Variants in GPATCH2 observed in about 807,000 individuals in gnomAD.
The protein encoded by GPATCH2 is G patch domain-containing protein 2.
In GPATCH2, 51 loss-of-function variants were observed where a neutral mutation model predicts 58.0. The observed-to-expected ratio is 0.88, with a 90% CI of 0.70 to 1.11. The LOEUF (loss-of-function observed/expected upper bound fraction) is 1.11, where lower values mean the gene tolerates loss of function less well. Ranked by LOEUF, GPATCH2 falls within the 50% of genes most tolerant of loss-of-function variation. The probability of loss-of-function intolerance (pLI) is 0.00; values close to 1 mark genes in which losing one functional copy is unlikely to be tolerated. For synonymous variants in GPATCH2, 222 were observed against 218.5 expected (o/e 1.02, Z -0.14); for missense variants, 625 against 652.2 (o/e 0.96, Z 0.45).
At chr1:217,485,536 C>A (rs916653105) in intron 8 of GPATCH2, among the ~76,000 whole-genome samples, 1 of 151,514 alleles carries the variant, frequency 6.6e-6, no homozygotes, top group Non-Finnish European at 1.5e-5. Context: ...ACTTTCTCCA[C>A]TGACTTTGTA....
intron 5 of GPATCH2, among the ~76,000 whole-genome samples, chr1:217,606,584 T>A (rs1363942794): frequency 6.6e-6 from 1 of 151,850 alleles, no homozygotes; most frequent in Non-Finnish European, 1.5e-5. Context: ...CTACTAAAAA[T>A]ATAAAAATTA....
At chr1:217,577,296 A>T (rs183387982) in intron 5 of GPATCH2, among the ~76,000 whole-genome samples, 1 of 152,272 alleles carries the variant, frequency 6.6e-6, no homozygotes, top group East Asian at 1.9e-4. Context: ...TAAAACCAAA[A>T]CACTTTTATT....
At chr1:217,607,536 A>G (rs762462783) in intron 5 of GPATCH2, among the ~76,000 whole-genome samples, 23 of 152,186 alleles carry the variant, frequency 1.5e-4, no homozygotes, top group Non-Finnish European at 2.6e-4. Flanking sequence ...GCTATTGGCC[A>G]TGAGTTCGAT....
chr1:217,438,562 C>T (rs1349193540), intron 9 of GPATCH2, among the ~76,000 whole-genome samples: 6 of 151,960 alleles, frequency 3.9e-5, no homozygotes, highest in Non-Finnish European at 8.8e-5. Context: ...TGAGAACTTC[C>T]TGAAGCATGC....
chr1:217,542,545 G>A (rs552636504), intron 5 of GPATCH2, among the ~76,000 whole-genome samples: 39 of 152,312 alleles, frequency 2.6e-4, no homozygotes, highest in African/African-American at 7.5e-4. Flanking sequence ...CTCTGGAAGC[G>A]GGAGAGCCTG....
intron 5 of GPATCH2, among the ~76,000 whole-genome samples, chr1:217,552,128 C>A (rs1665392660): frequency 6.6e-6 from 1 of 151,976 alleles, no homozygotes; most frequent in African/African-American, 2.4e-5. Flanking sequence ...TACCAACAAA[C>A]CAACCTGATG....
At chr1:217,516,922 T>C (rs1447471013) in intron 5 of GPATCH2, among the ~76,000 whole-genome samples, 2 of 152,212 alleles carry the variant, frequency 1.3e-5, no homozygotes, top group Non-Finnish European at 2.9e-5. Context: ...AAATACATAA[T>C]CTGAAATTTA....
chr1:217,526,087 T>C (rs561759003), intron 5 of GPATCH2, among the ~76,000 whole-genome samples: 1 of 152,318 alleles, frequency 6.6e-6, no homozygotes, highest in South Asian at 2.1e-4. Context: ...CTTAACCTGA[T>C]AGTGGTGTTG....
intron 5 of GPATCH2, among the ~76,000 whole-genome samples, chr1:217,599,306 G>T (rs1054064774): frequency 3.9e-5 from 6 of 152,150 alleles, no homozygotes; most frequent in Non-Finnish European, 7.4e-5. Flanking sequence ...TTGCAGTTAT[G>T]TGTGATATGG....
intron 5 of GPATCH2, among the ~76,000 whole-genome samples, chr1:217,529,005 C>T (rs1664060366): frequency 6.6e-6 from 1 of 152,094 alleles, no homozygotes; most frequent in Non-Finnish European, 1.5e-5. Flanking sequence ...TCCAGACCAG[C>T]TAGAGGTCAG....
At chr1:217,597,426 A>G (rs985686087) in intron 5 of GPATCH2, among the ~76,000 whole-genome samples, 1 of 152,064 alleles carries the variant, frequency 6.6e-6, no homozygotes, top group African/African-American at 2.4e-5. Flanking sequence ...TCTATATGCA[A>G]CAGGGTGGGG....
At chr1:217,469,559 A>G (rs1180480829) in intron 8 of GPATCH2, among the ~76,000 whole-genome samples, 3 of 152,170 alleles carry the variant, frequency 2.0e-5, no homozygotes, top group African/African-American at 7.2e-5. Flanking sequence ...TTAAGACATT[A>G]TCTTGCTATT....
At chr1:217,538,767 T>C (rs1664594196) in intron 5 of GPATCH2, among the ~76,000 whole-genome samples, 1 of 152,156 alleles carries the variant, frequency 6.6e-6, no homozygotes, top group African/African-American at 2.4e-5. Flanking sequence ...TATACACCAA[T>C]AGACTCTTTG....
chr1:217,434,438 G>GT (rs937010550), intron 9 of GPATCH2, among the ~76,000 whole-genome samples: 15 of 152,210 alleles, frequency 9.9e-5, no homozygotes, highest in African/African-American at 2.4e-4. Context: ...AAGGTATGTA[G>GT]TTTTTTCTGG....
At chr1:217,501,785 G>T (rs1662318738) in intron 6 of GPATCH2, among the ~76,000 whole-genome samples, 1 of 151,982 alleles carries the variant, frequency 6.6e-6, no homozygotes, top group Admixed American at 6.6e-5. Flanking sequence ...TTTCTAACTA[G>T]ATTGTTTTGC....
chr1:217,619,432 A>G (rs1260793200), intron 2 of GPATCH2, among the ~76,000 whole-genome samples: 1 of 152,168 alleles, frequency 6.6e-6, no homozygotes, highest in Non-Finnish European at 1.5e-5. Flanking sequence ...AAAGTACCAA[A>G]AGCTAAAGGT....
intron 1 of GPATCH2, among the ~76,000 whole-genome samples, chr1:217,622,991 GC>G (rs1310213361): frequency 6.6e-6 from 1 of 152,142 alleles, no homozygotes; most frequent in African/African-American, 2.4e-5. Flanking sequence ...GTTATCAAAT[GC>G]CCTTTTCCCT....
At chr1:217,589,148 T>C (rs913004844) in intron 5 of GPATCH2, among the ~76,000 whole-genome samples, 1 of 152,100 alleles carries the variant, frequency 6.6e-6, no homozygotes, top group Non-Finnish European at 1.5e-5. Flanking sequence ...CTCTTATATG[T>C]GAAAGAATGT....
intron 5 of GPATCH2, among the ~76,000 whole-genome samples, chr1:217,535,647 G>A (rs1054990065): frequency 1.3e-5 from 2 of 152,172 alleles, no homozygotes; most frequent in Non-Finnish European, 2.9e-5. Context: ...CACTGCGCCC[G>A]GCCAAGTTAA....
Sources: allele counts gnomAD v4.1 joint callset (sites outside exome capture counted in the v4.1 genomes callset), GRCh38; gene constraint gnomAD v4.1.1; transcripts MANE v1.5; gene names NCBI Gene and HGNC (gene_info 2026-07-23, HGNC 2026-07-21).